Variants in NCKAP5 observed in about 807,000 individuals in gnomAD.
The protein encoded by NCKAP5 is NCK associated protein 5.
A neutral mutation model predicts 167.0 loss-of-function variants in NCKAP5; 92 were observed. The ratio of observed to expected loss-of-function variants is 0.55; its 90% CI spans 0.47 to 0.66. The LOEUF (loss-of-function observed/expected upper bound fraction) is 0.66. Ranked by LOEUF, NCKAP5 falls within the 30% of genes least tolerant of loss-of-function variation. NCKAP5 has a pLI of 0.00. For missense variants in NCKAP5, 2,378 were observed against 2,315.0 expected (o/e 1.03, Z -0.56); for synonymous variants, 891 against 877.4 (o/e 1.02, Z -0.27).
chr2:132,756,572 T>C (rs981258546), intron 16 of NCKAP5, among the ~76,000 whole-genome samples: 18 of 152,104 alleles, frequency 1.2e-4, no homozygotes, highest in Admixed American at 1.2e-3. Context: ...TAGAAAAACC[T>C]GACTCAATTA....
intron 6 of NCKAP5, among the ~76,000 whole-genome samples, chr2:133,018,193 C>T (rs1323322619): frequency 6.6e-6 from 1 of 152,154 alleles, no homozygotes; most frequent in Non-Finnish European, 1.5e-5. Context: ...GGTGGTCAAC[C>T]CACCATGCAA....
At chr2:133,553,995 G>A (rs1029188428) in intron 2 of NCKAP5, among the ~76,000 whole-genome samples, 2 of 152,148 alleles carry the variant, frequency 1.3e-5, no homozygotes, top group Non-Finnish European at 2.9e-5. Context: ...TCAGGTGTCT[G>A]GGATCTCATC....
At chr2:133,262,781 G>A (rs1017225250) in intron 4 of NCKAP5, among the ~76,000 whole-genome samples, 1 of 152,200 alleles carries the variant, frequency 6.6e-6, no homozygotes, top group Non-Finnish European at 1.5e-5. Context: ...TATCAGCTAA[G>A]TATGAAATGG....
chr2:133,202,632 T>C (rs532838160), intron 5 of NCKAP5, among the ~76,000 whole-genome samples: 2 of 152,202 alleles, frequency 1.3e-5, no homozygotes, highest in South Asian at 2.1e-4. Context: ...TTTTGCAATC[T>C]ACCCATCTGA....
At chr2:132,977,135 AATG>A (rs1415829761) in intron 7 of NCKAP5, among the ~76,000 whole-genome samples, 2 of 152,164 alleles carry the variant, frequency 1.3e-5, no homozygotes, top group African/African-American at 2.4e-5. Context: ...GGGCAGGAAT[AATG>A]TTTTCTATAT....
At chr2:133,647,417 A>AAGGAAGGAAGGC in the NCKAP5 span, among the ~76,000 whole-genome samples, 1 of 116,066 alleles carries the variant, frequency 8.6e-6, no homozygotes, top group African/African-American at 4.2e-5. Context: ...GGAAGGAAGG[A>AAGGAAGGAAGGC]AGAGAAAGAA....
the NCKAP5 span, among the ~76,000 whole-genome samples, chr2:133,597,982 C>T: frequency 6.6e-6 from 1 of 152,140 alleles, no homozygotes; most frequent in Non-Finnish European, 1.5e-5. Flanking sequence ...GTATGAATAC[C>T]CACCTGGGTA....
intron 2 of NCKAP5, among the ~76,000 whole-genome samples, chr2:133,540,796 C>T (rs920474850): frequency 5.3e-5 from 8 of 151,866 alleles, no homozygotes; most frequent in South Asian, 2.1e-4. Context: ...ATTAGCCAGG[C>T]GTGGTGGCAT....
At chr2:133,196,680 C>T (rs1035091947) in intron 5 of NCKAP5, among the ~76,000 whole-genome samples, 5 of 152,158 alleles carry the variant, frequency 3.3e-5, no homozygotes, top group Non-Finnish European at 5.9e-5. Flanking sequence ...CTGGTATCAC[C>T]GGGTCTAGAC....
chr2:132,773,274 T>C (rs1682248408), intron 16 of NCKAP5, among the ~76,000 whole-genome samples: 1 of 152,190 alleles, frequency 6.6e-6, no homozygotes, highest in African/African-American at 2.4e-5. Context: ...AGTTCCTGCG[T>C]GCTGGGAACT....
chr2:132,729,603 A>T (rs1690789052), intron 17 of NCKAP5, among the ~76,000 whole-genome samples: 1 of 152,186 alleles, frequency 6.6e-6, no homozygotes, highest in Non-Finnish European at 1.5e-5. Context: ...AGTTCTGACA[A>T]GCTCCCAGGT....
At chr2:133,595,511 T>C in the NCKAP5 span, among the ~76,000 whole-genome samples, 2 of 151,178 alleles carry the variant, frequency 1.3e-5, no homozygotes, top group African/African-American at 4.9e-5. Context: ...CTTGAAGGTA[T>C]TTAAGATGGC....
chr2:133,143,488 G>C (rs759668083), intron 5 of NCKAP5, among the ~76,000 whole-genome samples: 3 of 152,136 alleles, frequency 2.0e-5, no homozygotes, highest in Non-Finnish European at 4.4e-5. Context: ...TATGGAAAAA[G>C]GATCCATGTC....
At position 133,186,353 on chromosome 2, in the gene NCKAP5, TTGTTAA is replaced by T. The variant is rs1281624877; in HGVS notation, c.207+27357_207+27362del. On this transcript the variant is annotated intron_variant, in intron 5 of 19. Transcript: ENST00000409261. The stretch of plus-strand genomic sequence containing the variant: ...TTTTTGATGTGCAGCTGAATTTGGT[TTGTTAA>T]TATTTTGTTGAGGATTTTTGCATCT... Among the ~76,000 whole-genome samples the T allele has an allele frequency of 2.0e-5, 3 of 152,076 alleles. No homozygotes were observed. The East Asian group carries it at 5.8e-4, about 29-fold the overall frequency.
At chr2:133,458,074 C>T (rs1691968595) in intron 3 of NCKAP5, among the ~76,000 whole-genome samples, 1 of 152,060 alleles carries the variant, frequency 6.6e-6, no homozygotes, top group African/African-American at 2.4e-5. Context: ...ATTCTGAGAT[C>T]CATGAACATC....
At chr2:132,711,374 G>C (rs1318095634) in intron 19 of NCKAP5, among the ~76,000 whole-genome samples, 1 of 152,134 alleles carries the variant, frequency 6.6e-6, no homozygotes, top group African/African-American at 2.4e-5. Context: ...AGCATCAAAA[G>C]GGCACCTTTC....
intron 3 of NCKAP5, among the ~76,000 whole-genome samples, chr2:133,345,786 T>G (rs778988171): frequency 6.6e-6 from 1 of 151,830 alleles, no homozygotes; most frequent in African/African-American, 2.4e-5. Flanking sequence ...GGAGATGGAG[T>G]AACGCAAAAG....
intron 10 of NCKAP5, among the ~76,000 whole-genome samples, chr2:132,864,607 T>C (rs1690193304): frequency 6.6e-6 from 1 of 152,218 alleles, no homozygotes; most frequent in South Asian, 2.1e-4. Context: ...CACTGCTATA[T>C]AGTACCTATA....
chr2:132,687,753 A>G (rs1299497670), intron 19 of NCKAP5, among the ~76,000 whole-genome samples: 1 of 148,990 alleles, frequency 6.7e-6, no homozygotes, highest in African/African-American at 2.5e-5. Flanking sequence ...ACACACACAC[A>G]CACCCTTCCT....
Sources: gnomAD v4.1 joint callset for allele counts (sites outside exome capture counted in the v4.1 genomes callset) on GRCh38, gnomAD v4.1.1 for gene constraint, MANE v1.5 for transcripts, NCBI Gene and HGNC (gene_info 2026-07-23, HGNC 2026-07-21) for gene names.